The following FAM135A variants were observed in gnomAD, a reference collection of about 807,000 sequenced individuals.
The protein encoded by FAM135A is protein FAM135A.
FAM135A carries 79 observed loss-of-function variants against 146.8 expected under a neutral mutation model. The ratio of observed to expected loss-of-function variants is 0.54; its 90% CI spans 0.45 to 0.65. The LOEUF is 0.65. Among genes scored for constraint, FAM135A ranks in the 30% least tolerant of loss-of-function variants. The probability of loss-of-function intolerance (pLI) is 0.00; values close to 1 mark genes in which losing one functional copy is unlikely to be tolerated. For missense variants in FAM135A, 1,623 were observed against 1,758.2 expected (o/e 0.92, Z 1.38); for synonymous variants, 562 against 603.6 (o/e 0.93, Z 1.01).
At chr6:70,438,505 G>A (rs1371468300) in intron 4 of FAM135A, among the ~76,000 whole-genome samples, 1 of 152,188 alleles carries the variant, frequency 6.6e-6, no homozygotes, top group Non-Finnish European at 1.5e-5. Context: ...TATCTATGTT[G>A]CATATACCAC....
At chr6:70,482,190 A>C in intron 10 of FAM135A, 36 bp downstream of exon 10, 1 of 1,604,602 alleles carries the variant, frequency 6.2e-7, no homozygotes, top group Non-Finnish European at 8.5e-7. Context: ...TCTACAGTTC[A>C]AATCATTCTC....
intron 10 of FAM135A, among the ~76,000 whole-genome samples, chr6:70,488,596 C>T (rs1462075497): frequency 6.6e-6 from 1 of 151,840 alleles, no homozygotes; most frequent in East Asian, 1.9e-4. Context: ...TAAAAATATA[C>T]CTGTAACTTT....
chr6:70,498,819 G>A (rs1451409967), intron 11 of FAM135A, among the ~76,000 whole-genome samples: 1 of 152,172 alleles, frequency 6.6e-6, no homozygotes, highest in Non-Finnish European at 1.5e-5. Context: ...GTTCTAATTT[G>A]ATTGCACTGT....
intron 5 of FAM135A, among the ~76,000 whole-genome samples, chr6:70,468,161 C>T (rs1780839183): frequency 6.6e-6 from 1 of 152,160 alleles, no homozygotes; most frequent in African/African-American, 2.4e-5. Flanking sequence ...CTGTATATAT[C>T]ACTGAGAATT....
chr6:70,545,501 G>A (rs1259559333), intron 20 of FAM135A, among the ~76,000 whole-genome samples: 1 of 152,004 alleles, frequency 6.6e-6, no homozygotes, highest in African/African-American at 2.4e-5. Context: ...TGTAATCCCA[G>A]CTACTCAGAA....
chr6:70,547,333 C>G (rs1562021645), intron 20 of FAM135A, among the ~76,000 whole-genome samples: 1 of 152,090 alleles, frequency 6.6e-6, no homozygotes, highest in Non-Finnish European at 1.5e-5. Context: ...AAAATTCATT[C>G]AAATTTATTT....
At chr6:70,418,950 C>G (rs1768153221) in intron 2 of FAM135A, among the ~76,000 whole-genome samples, 1 of 152,196 alleles carries the variant, frequency 6.6e-6, no homozygotes, top group Non-Finnish European at 1.5e-5. Context: ...AGGGCCAGAG[C>G]TTATGTTGAT....
intron 11 of FAM135A, among the ~76,000 whole-genome samples, chr6:70,501,505 T>C (rs1340077521): frequency 6.6e-6 from 1 of 151,992 alleles, no homozygotes; most frequent in African/African-American, 2.4e-5. Context: ...GAGTGAACGG[T>C]TCTGTCTCGC....
At chr6:70,419,735 T>C (rs997780476) in intron 2 of FAM135A, among the ~76,000 whole-genome samples, 1 of 152,206 alleles carries the variant, frequency 6.6e-6, no homozygotes, top group Non-Finnish European at 1.5e-5. Flanking sequence ...TTCCTTCATT[T>C]GGTATCAGTT....
chr6:70,417,852 A>T lies in FAM135A; in HGVS notation c.-134+2476A>T, dbSNP rs1025059335. ...TTTATCTTTTGGAATTGAGAATCCC[A>T]GATTTTTAGAACAGCCTCAGGTTTA... On this transcript the variant is annotated intron_variant, in intron 2 of 21. Coordinates refer to ENST00000418814, the MANE Select transcript of FAM135A (RefSeq NM_001162529.3). 5.9e-5 allele frequency among the ~76,000 whole-genome samples: 9 copies of T among 152,220 alleles called. 1 individual carries two copies. The highest frequency in any genetic ancestry group is 2.2e-4 in the African/African-American group (9 of 41,454).
At chr6:70,416,704 T>C (rs1346151705) in intron 2 of FAM135A, among the ~76,000 whole-genome samples, 1 of 152,086 alleles carries the variant, frequency 6.6e-6, no homozygotes, top group Non-Finnish European at 1.5e-5. Context: ...GGCAGGAGGA[T>C]CTCTTGAGGC....
chr6:70,428,459 ATGTACAG>A (rs1254026500), intron 4 of FAM135A, 40 bp downstream of exon 4: 1 of 1,391,626 alleles, frequency 7.2e-7, no homozygotes, highest in Non-Finnish European at 9.8e-7. Context: ...TTTGCATAAG[ATGTACAG>A]TTTAAATTTA....
chr6:70,439,199 G>C (rs1318958819), intron 4 of FAM135A, among the ~76,000 whole-genome samples: 2 of 152,154 alleles, frequency 1.3e-5, no homozygotes, highest in Admixed American at 6.5e-5. Context: ...AAGTTTGTAG[G>C]TGGGAGACAT....
chr6:70,423,429 A>G (rs971775370), intron 2 of FAM135A, among the ~76,000 whole-genome samples: 9 of 152,270 alleles, frequency 5.9e-5, no homozygotes, highest in Non-Finnish European at 1.2e-4. Flanking sequence ...TGAGCAGTCT[A>G]GGTAGGGAAG....
chr6:70,415,466 T>A (rs983278403), intron 2 of FAM135A, 90 bp downstream of exon 2: 1 of 152,102 alleles, frequency 6.6e-6, no homozygotes, highest in Non-Finnish European at 1.5e-5. Flanking sequence ...TGATTTAAAG[T>A]AAAACTAGGA....
intron 5 of FAM135A, among the ~76,000 whole-genome samples, chr6:70,459,638 G>A (rs1368279563): frequency 2.6e-5 from 4 of 152,144 alleles, no homozygotes; most frequent in African/African-American, 4.8e-5. Context: ...GTATTATTAA[G>A]ATTAAATGTA....
chr6:70,538,250 A>G (rs180748404), intron 19 of FAM135A, 41 bp from the exon 20 acceptor site: 113 of 1,143,588 alleles, frequency 9.9e-5, no homozygotes, highest in Middle Eastern at 6.5e-4. Flanking sequence ...ATGTTTTTAT[A>G]TATTTCATTT....
At chr6:70,519,449 A>G (rs12524814) in intron 12 of FAM135A, among the ~76,000 whole-genome samples, 20,142 of 152,252 alleles carry the variant, frequency 0.13, 1,580 homozygotes, top group Middle Eastern at 0.18. Flanking sequence ...GATTGACTCA[A>G]TTTTGAAGTT....
intron 8 of FAM135A, among the ~76,000 whole-genome samples, chr6:70,478,390 T>C (rs1783023744): frequency 6.6e-6 from 1 of 152,160 alleles, no homozygotes; most frequent in Admixed American, 6.6e-5. Flanking sequence ...ATTTCTAAAC[T>C]ATCTACAATT....
Sources: allele counts gnomAD v4.1 joint callset (sites outside exome capture counted in the v4.1 genomes callset), GRCh38; gene constraint gnomAD v4.1.1; transcripts MANE v1.5; gene names NCBI Gene and HGNC (gene_info 2026-07-23, HGNC 2026-07-21).